SPRYD4: variants seen among roughly 807,000 people sequenced by gnomAD.
SPRYD4 encodes SPRY domain containing 4, also known as SPRY domain-containing protein 4.
SPRYD4 carries 12 observed loss-of-function variants against 16.6 expected under a neutral mutation model. The observed-to-expected ratio is 0.72, with a 90% confidence interval of 0.46 to 1.17. The LOEUF (loss-of-function observed/expected upper bound fraction) is 1.17. Ranked by LOEUF, SPRYD4 falls within the 50% of genes most tolerant of loss-of-function variation. SPRYD4 has a pLI of 0.00. For synonymous variants in SPRYD4, 98 were observed against 105.4 expected (o/e 0.93, Z 0.43); for missense variants, 260 against 260.2 (o/e 1.00, Z 0.00).
chr12:56,477,996 G>A lies in SPRYD4; in HGVS notation c.*8419G>A. The stretch of plus-strand genomic sequence containing the variant: ...CTTGGCTCTTTGCCCACAAACTTGT[G>A]CACGTAGTCAGTGCCTAGGGTGCTT... On this transcript the variant is annotated 3_prime_UTR_variant, in exon 2 of 2. Coordinates refer to ENST00000338146, the MANE Select transcript of SPRYD4 (RefSeq NM_207344.4). 6.2e-7 allele frequency: 1 copy of A among 1,614,234 alleles called. No individual in the cohort carries two copies. The highest frequency in any genetic ancestry group is 8.5e-7 in the Non-Finnish European group (1 of 1,180,036).
Position 56,469,518 on chromosome 12 carries a change from G to T in SPRYD4, c.565G>T (p.Ala189Ser). Reference sequence around the variant, plus strand: ...CCGGGGTCCAGTGGTGCCTGCCTTTGCTCTCTGGGATGGGGAGCTGCTGAC... The same window carrying T: ...CCGGGGTCCAGTGGTGCCTGCCTTTTCTCTCTGGGATGGGGAGCTGCTGAC... ...DFRGPVVPAFALWDGELLTHS... is the reference protein window; with the variant it reads ...DFRGPVVPAFSLWDGELLTHS... Residue 189 changes from alanine to serine, a missense_variant, in exon 2 of 2, where the codon GCT (alanine) becomes TCT (serine). Physicochemically the swap from Ala to Ser is moderately conservative, Grantham distance 99. Transcript: ENST00000338146. 1 of 1,614,156 alleles carries T rather than the reference G, an allele frequency of 6.2e-7. No homozygotes were observed.
chr12:56,475,622 AC>A lies in SPRYD4; in HGVS notation c.*6046del. 6.2e-7 allele frequency: 1 copy of A among 1,614,150 alleles called. No homozygotes were observed. Among genetic ancestry groups the A allele is most frequent in the Middle Eastern group, 1.6e-4 (1 of 6,062 alleles). ...CAGTCAGTCCTCTGAGTAGGGACTTACGTGGCATTGCTGAAACCCATGTATT... is the reference window on the plus strand; with the variant it reads ...CAGTCAGTCCTCTGAGTAGGGACTTAGTGGCATTGCTGAAACCCATGTATT... On this transcript the variant is annotated 3_prime_UTR_variant, in exon 2 of 2. Transcript: ENST00000338146.
Position 56,479,240 on chromosome 12 carries a change from G to A in SPRYD4, c.*9663G>A. Reference sequence around the variant, plus strand: ...GAGAAATGCAGCTGGGACTCACTCTGGAGCCACGGAAATTGGGAATAAAGA... The same window carrying A: ...GAGAAATGCAGCTGGGACTCACTCTAGAGCCACGGAAATTGGGAATAAAGA... On this transcript the variant is annotated 3_prime_UTR_variant, in exon 2 of 2. Coordinates refer to ENST00000338146, the MANE Select transcript of SPRYD4 (RefSeq NM_207344.4). The A allele has an allele frequency of 6.3e-7, 1 of 1,587,310 alleles. No homozygotes were observed. Among genetic ancestry groups the A allele is most frequent in the South Asian group, 1.1e-5 (1 of 88,920 alleles).
At position 56,472,416 on chromosome 12, in the gene SPRYD4, C is replaced by T; in HGVS notation, c.*2839C>T. The T allele has an allele frequency of 1.6e-6, 1 of 607,492 alleles. No individual in the cohort carries two copies. The highest frequency in any genetic ancestry group is 2.0e-5 in the South Asian group (1 of 49,910). The allele number at this position is 607,492 out of a possible 1,614,324, so 37.6% of individuals were successfully genotyped here. On this transcript the variant is annotated 3_prime_UTR_variant, in exon 2 of 2. Transcript: ENST00000338146. ...TCCTTCCAGAAATATCACTCACTGCCTACCTGTGGTAAGTGCCCATTTGAG... is the reference window on the plus strand; with the variant it reads ...TCCTTCCAGAAATATCACTCACTGCTTACCTGTGGTAAGTGCCCATTTGAG...
Position 56,475,937 on chromosome 12 carries a change from GA to G in SPRYD4, c.*6362del. The G allele has an allele frequency of 6.2e-7, 1 of 1,613,760 alleles. No homozygotes were observed. ...TGCAGCCAGGGGCTAAGTAGCAAGGGAACTTACAAAATCAAACTTCTCTGCT... is the reference window on the plus strand; with the variant it reads ...TGCAGCCAGGGGCTAAGTAGCAAGGGACTTACAAAATCAAACTTCTCTGCT... On this transcript the variant is annotated 3_prime_UTR_variant, in exon 2 of 2. Transcript: ENST00000338146.
rs756770459 is a variant in SPRYD4, at chr12:56,475,960, T to C, written c.*6383T>C. The C allele has an allele frequency of 1.9e-6, 3 of 1,613,682 alleles. No individual in the cohort carries two copies. The highest frequency in any genetic ancestry group is 2.5e-6 in the Non-Finnish European group (3 of 1,180,004). ...GGGAACTTACAAAATCAAACTTCTCTGCTTTGTTACAGTCCATCTGCAGAG... is the reference window on the plus strand; with the variant it reads ...GGGAACTTACAAAATCAAACTTCTCCGCTTTGTTACAGTCCATCTGCAGAG... On this transcript the variant is annotated 3_prime_UTR_variant, in exon 2 of 2. Transcript: ENST00000338146.
Position 56,471,920 on chromosome 12 carries a change from A to G in SPRYD4, c.*2343A>G. 1 of 1,458,032 alleles carries G rather than the reference A, an allele frequency of 6.9e-7. No individual in the cohort carries two copies. Among genetic ancestry groups the G allele is most frequent in the South Asian group, 1.1e-5 (1 of 87,214 alleles). The allele number at this position is 1,458,032 out of a possible 1,614,324, so 90.3% of individuals were successfully genotyped here. A position where few individuals can be genotyped will look rare whatever the true frequency, so the allele number is the denominator to read the frequency against. The stretch of plus-strand genomic sequence containing the variant: ...ACACTTAGCCACTGAAGTCTTTACC[A>G]AGAGGGGAGGGGAAAAGGCCTCTTC... On this transcript the variant is annotated 3_prime_UTR_variant, in exon 2 of 2. Coordinates refer to ENST00000338146, the MANE Select transcript of SPRYD4 (RefSeq NM_207344.4).
Position 56,477,559 on chromosome 12 carries a change from G to C in SPRYD4, c.*7982G>C. The C allele has an allele frequency of 1.6e-6, 2 of 1,233,640 alleles. No homozygotes were observed. The highest frequency in any genetic ancestry group is 3.9e-4 in the Middle Eastern group (2 of 5,096). 76.4% of individuals were successfully genotyped at this position (1,233,640 alleles called of 1,614,324 possible). A position where few individuals can be genotyped will look rare whatever the true frequency, so the allele number is the denominator to read the frequency against. ...CTTCTGGGGACCCTCAAAGGAATCA[G>C]AGCCCCACCAGTCTCCCTGGAGAGC... On this transcript the variant is annotated 3_prime_UTR_variant, in exon 2 of 2. Coordinates refer to ENST00000338146, the MANE Select transcript of SPRYD4 (RefSeq NM_207344.4).
At position 56,469,111 on chromosome 12, in the gene SPRYD4, A is replaced by C; in HGVS notation, c.158A>C (p.Lys53Thr). ...LALFRDDTGV[K>T]YGLVGLEPTK... The stretch of plus-strand genomic sequence containing the variant: ...CTCTTCAGAGATGATACGGGTGTCA[A>C]ATATGGCTTGGTGGGATTGGAGCCC... The change falls in exon 2 of 2, where the codon AAA becomes ACA. Residue 53 changes from lysine to threonine, a missense_variant. Coordinates refer to ENST00000338146, the MANE Select transcript of SPRYD4 (RefSeq NM_207344.4). 1 of 1,613,394 alleles carries C rather than the reference A, an allele frequency of 6.2e-7. No homozygotes were observed. The highest frequency in any genetic ancestry group is 8.5e-7 in the Non-Finnish European group (1 of 1,179,600).
chr12:56,477,567 C>A lies in SPRYD4; in HGVS notation c.*7990C>A. 3 of 1,304,118 alleles carry A rather than the reference C, an allele frequency of 2.3e-6. No homozygotes were observed. Among genetic ancestry groups the A allele is most frequent in the Admixed American group, 2.1e-5 (1 of 47,696 alleles). 80.8% of individuals were successfully genotyped at this position (1,304,118 alleles called of 1,614,324 possible). A position where few individuals can be genotyped will look rare whatever the true frequency, so the allele number is the denominator to read the frequency against. ...GACCCTCAAAGGAATCAGAGCCCCACCAGTCTCCCTGGAGAGCTGAACAAA... is the reference window on the plus strand; with the variant it reads ...GACCCTCAAAGGAATCAGAGCCCCAACAGTCTCCCTGGAGAGCTGAACAAA... On this transcript the variant is annotated 3_prime_UTR_variant, in exon 2 of 2. Coordinates refer to ENST00000338146, the MANE Select transcript of SPRYD4 (RefSeq NM_207344.4).
rs562514584 is a variant in SPRYD4, at chr12:56,478,391, C to T, written c.*8814C>T. 39 of 909,900 alleles carry T rather than the reference C, an allele frequency of 4.3e-5. 1 individual carries two copies. The South Asian group carries it at 6.1e-4, about 14-fold the overall frequency. 56.4% of individuals were successfully genotyped at this position (909,900 alleles called of 1,614,324 possible). A position where few individuals can be genotyped will look rare whatever the true frequency, so the allele number is the denominator to read the frequency against. On this transcript the variant is annotated 3_prime_UTR_variant, in exon 2 of 2. Transcript: ENST00000338146. ...CTTCTATAGGGCAGAGGGGTTCCCT[C>T]CTGCCTGTTGCTCCCAGAAATGCCC...
In SPRYD4 at chr12:56,476,101, A is replaced by T. The variant is rs953692025; in HGVS notation, c.*6524A>T. 13 of 838,554 alleles carry T rather than the reference A, an allele frequency of 1.6e-5. No homozygotes were observed. Among genetic ancestry groups the T allele is most frequent in the African/African-American group, 3.4e-5 (2 of 59,488 alleles). The allele number at this position is 838,554 out of a possible 1,614,324, so 51.9% of individuals were successfully genotyped here. On this transcript the variant is annotated 3_prime_UTR_variant, in exon 2 of 2. Coordinates refer to ENST00000338146, the MANE Select transcript of SPRYD4 (RefSeq NM_207344.4). ...TGCTGCTGCAAATGTGTTCAATTTT[A>T]TAATGGCCCTTTTTTTATCCTTCTG... is the stretch of plus-strand genomic sequence containing the variant.
Position 56,475,587 on chromosome 12 carries a change from A to C in SPRYD4, c.*6010A>C. ...CATCCTAAGTACACACACATACACCACAATGCTTTCAGTCAGTCCTCTGAG... is the reference window on the plus strand; with the variant it reads ...CATCCTAAGTACACACACATACACCCCAATGCTTTCAGTCAGTCCTCTGAG... On this transcript the variant is annotated 3_prime_UTR_variant, in exon 2 of 2. Coordinates refer to ENST00000338146, the MANE Select transcript of SPRYD4 (RefSeq NM_207344.4). 2 of 1,601,344 alleles carry C rather than the reference A, an allele frequency of 1.2e-6. No homozygotes were observed. Among genetic ancestry groups the C allele is most frequent in the South Asian group, 2.2e-5 (2 of 90,800 alleles).
Position 56,478,105 on chromosome 12 carries a change from A to G in SPRYD4, c.*8528A>G. 6.2e-7 allele frequency: 1 copy of G among 1,614,074 alleles called. No individual in the cohort carries two copies. The highest frequency in any genetic ancestry group is 8.5e-7 in the Non-Finnish European group (1 of 1,179,936). On this transcript the variant is annotated 3_prime_UTR_variant, in exon 2 of 2. Transcript: ENST00000338146. ...TGTGGCCCACAGAGTGCCTGGAGGC[A>G]GACAGATGCCATGAAAGGGGTTGGC...
chr12:56,468,615 T>C lies in SPRYD4; in HGVS notation c.24T>C (p.Ser8=), dbSNP rs1379561420. 1 of 1,613,798 alleles carries C rather than the reference T, an allele frequency of 6.2e-7. No homozygotes were observed. Among genetic ancestry groups the C allele is most frequent in the Non-Finnish European group, 8.5e-7 (1 of 1,180,014 alleles). ...AGATGGCGCTGCTTTTTGCACGTTCTTTGCGCTTGTGCCGCTGGGGAGCCA... is the reference window on the plus strand; with the variant it reads ...AGATGGCGCTGCTTTTTGCACGTTCCTTGCGCTTGTGCCGCTGGGGAGCCA... MALLFAR[S]LRLCRWGAKR... Residue 8 remains serine (S), a synonymous_variant, in exon 1 of 2, where the codon TCT becomes TCC. Transcript: ENST00000338146.
Position 56,474,092 on chromosome 12 carries a change from C to CTT in SPRYD4, c.*4521_*4522dup, listed in dbSNP as rs67377312. The CTT allele has an allele frequency of 2.9e-4, 29 of 98,920 alleles. 1 individual carries two copies. The highest frequency in any genetic ancestry group is 9.6e-4 in the South Asian group (5 of 5,232). 6.1% of individuals were successfully genotyped at this position (98,920 alleles called of 1,614,324 possible). ...AACACCTCTGGTTGTTTTTCTTTTT[C>CTT]TTTTTTTCTTTTTTTTTGAGATGGA... On this transcript the variant is annotated 3_prime_UTR_variant, in exon 2 of 2. Transcript: ENST00000338146.
At position 56,469,338 on chromosome 12, in the gene SPRYD4, C is replaced by T. The variant is rs1283406949; in HGVS notation, c.385C>T (p.Arg129Cys). Residue 129 changes from arginine (R) to cysteine (C), a missense_variant, in exon 2 of 2, where the codon CGC becomes TGC. By Grantham distance (180) the Arg-to-Cys change is radical. Coordinates refer to ENST00000338146, the MANE Select transcript of SPRYD4 (RefSeq NM_207344.4). ...DRSWVFTYAQRKWYTMLANEK... is the reference protein window; with the variant it reads ...DRSWVFTYAQCKWYTMLANEK... ...TTCCTGGGTGTTCACCTATGCCCAG[C>T]GCAAGTGGTACACCATGTTGGCCAA... is the stretch of plus-strand genomic sequence containing the variant. 1 of 1,614,124 alleles carries T rather than the reference C, an allele frequency of 6.2e-7. No homozygotes were observed. Among genetic ancestry groups the T allele is most frequent in the Non-Finnish European group, 8.5e-7 (1 of 1,180,014 alleles).
chr12:56,475,897 C>T lies in SPRYD4; in HGVS notation c.*6320C>T, dbSNP rs543492244. ...CCACTGGGGCAGCTGGAGAGGACAGCATGCCATGGCGAAATGCAGCCAGGG... is the reference window on the plus strand; with the variant it reads ...CCACTGGGGCAGCTGGAGAGGACAGTATGCCATGGCGAAATGCAGCCAGGG... On this transcript the variant is annotated 3_prime_UTR_variant, in exon 2 of 2. Coordinates refer to ENST00000338146, the MANE Select transcript of SPRYD4 (RefSeq NM_207344.4). The T allele has an allele frequency of 6.9e-6, 11 of 1,602,540 alleles. No homozygotes were observed. The African/African-American group carries it at 1.5e-4, about 21-fold the overall frequency.
chr12:56,472,766 A>T lies in SPRYD4; in HGVS notation c.*3189A>T. The T allele has an allele frequency of 6.2e-7, 1 of 1,613,376 alleles. No homozygotes were observed. Among genetic ancestry groups the T allele is most frequent in the Non-Finnish European group, 8.5e-7 (1 of 1,179,456 alleles). ...ACAGTCTTGTTCTGGAACACAAATC[A>T]TACCCACATGACATTAATTGAACTC... On this transcript the variant is annotated 3_prime_UTR_variant, in exon 2 of 2. Coordinates refer to ENST00000338146, the MANE Select transcript of SPRYD4 (RefSeq NM_207344.4).
Sources: allele counts gnomAD v4.1 joint callset, GRCh38; gene constraint gnomAD v4.1.1; transcripts MANE v1.5; gene names NCBI Gene and HGNC (gene_info 2026-07-23, HGNC 2026-07-21).